DHX35: variants seen among roughly 807,000 people sequenced by gnomAD.
DHX35 encodes the protein probable ATP-dependent RNA helicase DHX35.
Under a neutral mutation model 99.6 loss-of-function variants are expected in DHX35, and 84 were observed. The observed-to-expected ratio is 0.84, with a 90% confidence interval of 0.71 to 1.01. The LOEUF is 1.01. Among genes scored for constraint, DHX35 ranks in the 50% least tolerant of loss-of-function variants. The pLI, the probability that DHX35 is intolerant of heterozygous loss-of-function variation, is 0.00. For synonymous variants in DHX35, 331 were observed against 316.2 expected (o/e 1.05, Z -0.50); for missense variants, 852 against 888.5 (o/e 0.96, Z 0.52).
rs568344760 is a variant in DHX35, at chr20:38,966,183, A to C, written c.41-2898A>C. ...GCCTTGTTAAGATAGGGAAATGAAG[A>C]TGTTCATAGTTTGCAAAAGTTATAA... is the stretch of plus-strand genomic sequence containing the variant. On this transcript the variant is annotated intron_variant, in intron 1 of 21. Transcript: ENST00000252011. Among the ~76,000 whole-genome samples the C allele has an allele frequency of 3.2e-4, 48 of 152,356 alleles. 1 individual carries two copies. The highest frequency in any genetic ancestry group is 1.0e-3 in the African/African-American group (43 of 41,588).
At chr20:38,988,646 A>G (rs2086285268) in intron 4 of DHX35, 167 bp from the exon 5 acceptor site, 3 of 944,764 alleles carry the variant, frequency 3.2e-6, no homozygotes, top group Non-Finnish European at 4.4e-6. Context: ...AATAATAATA[A>G]AAATTGCAAA....
intron 9 of DHX35, 52 bp from the exon 10 acceptor site, chr20:39,002,720 T>G: frequency 6.6e-7 from 1 of 1,519,744 alleles, no homozygotes. Flanking sequence ...GTAATTGATC[T>G]GTAATTAATG....
rs1892486864 is a variant in DHX35 at position 39,036,730 on chromosome 20, A to C, written c.2068-1769A>C. Among the ~76,000 whole-genome samples the C allele has an allele frequency of 2.7e-5, 4 of 147,152 alleles. 1 individual carries two copies. The highest frequency in any genetic ancestry group is 1.0e-4 in the African/African-American group (4 of 39,292). On this transcript the variant is annotated intron_variant, in intron 21 of 21. Transcript: ENST00000252011. ...GACAGAGCAAGACTGTCCCCCCAAA[A>C]AAAAAAAAAAAAAAAAAAAAAAGAA...
At chr20:39,001,346 A>G (rs371654248) in intron 8 of DHX35, among the ~76,000 whole-genome samples, 3 of 152,112 alleles carry the variant, frequency 2.0e-5, no homozygotes, top group Non-Finnish European at 1.5e-5. Flanking sequence ...TTACCCACCA[A>G]CCTCATCTAA....
intron 14 of DHX35, among the ~76,000 whole-genome samples, chr20:39,017,903 C>T (rs903559098): frequency 6.6e-6 from 1 of 152,164 alleles, no homozygotes; most frequent in Non-Finnish European, 1.5e-5. Flanking sequence ...TAAAGAGATA[C>T]TCAAGACCGG....
intron 3 of DHX35, among the ~76,000 whole-genome samples, chr20:38,975,635 A>G (rs1374126028): frequency 4.6e-5 from 7 of 152,210 alleles, no homozygotes; most frequent in Non-Finnish European, 7.3e-5. Flanking sequence ...AGGATAAACT[A>G]TGTTCTGGTA....
At chr20:39,011,264 T>C (rs1238396526) in intron 13 of DHX35, among the ~76,000 whole-genome samples, 1 of 152,074 alleles carries the variant, frequency 6.6e-6, no homozygotes, top group African/African-American at 2.4e-5. Flanking sequence ...CTGTTTTTTT[T>C]TTAATGTGTG....
At chr20:39,037,263 CAG>C (rs375049598) in intron 21 of DHX35, among the ~76,000 whole-genome samples, 43 of 152,340 alleles carry the variant, frequency 2.8e-4, no homozygotes, top group African/African-American at 7.7e-4. Context: ...TACAGCTAGA[CAG>C]GGGAAGAACG....
intron 3 of DHX35, among the ~76,000 whole-genome samples, chr20:38,979,557 C>T (rs1174560483): frequency 6.6e-6 from 1 of 152,098 alleles, no homozygotes. Flanking sequence ...ATCTGCTACC[C>T]CTCTTATGGA....
At chr20:38,982,317 T>A (rs915014704) in intron 3 of DHX35, among the ~76,000 whole-genome samples, 4 of 152,232 alleles carry the variant, frequency 2.6e-5, no homozygotes, top group African/African-American at 9.6e-5. Flanking sequence ...ATTACAGCAT[T>A]TATGTACAGT....
chr20:39,028,989 C>A (rs1034660575), intron 19 of DHX35, among the ~76,000 whole-genome samples: 1 of 152,158 alleles, frequency 6.6e-6, no homozygotes, highest in African/African-American at 2.4e-5. Context: ...TCTTCCAGTT[C>A]CATTTTCTAG....
intron 7 of DHX35, among the ~76,000 whole-genome samples, chr20:38,993,994 C>G (rs912342100): frequency 6.6e-6 from 1 of 152,114 alleles, no homozygotes; most frequent in Non-Finnish European, 1.5e-5. Context: ...TGCTGAAGCC[C>G]CTAGCCCCCT....
intron 7 of DHX35, among the ~76,000 whole-genome samples, 187 bp from the exon 8 acceptor site, chr20:38,994,631 ACCC>A (rs35259351): frequency 0.042 from 3,092 of 74,460 alleles, 180 homozygotes; most frequent in African/African-American, 0.13. Flanking sequence ...TAGTGTAATG[ACCC>A]CCCCCCCCCT....
In DHX35 at chr20:38,980,511, G is replaced by GTT. The variant is rs397953645; in HGVS notation, c.268-3175_268-3174dup. Among the ~76,000 whole-genome samples, 483 of 136,944 alleles carry GTT rather than the reference G, an allele frequency of 3.5e-3. 3 individuals are homozygous for GTT. The highest frequency in any genetic ancestry group is 0.035 in the East Asian group (164 of 4,744). The allele number at this position is 136,944 out of a possible 152,430, so 89.8% of individuals were successfully genotyped here. A position where few individuals can be genotyped will look rare whatever the true frequency, so the allele number is the denominator to read the frequency against. ...TCTTAGCTATTATTCTTATAGTTCTGTTTTTTTTTTTTTTGTATTTGTGTT... is the reference window on the plus strand; with the variant it reads ...TCTTAGCTATTATTCTTATAGTTCTGTTTTTTTTTTTTTTTTGTATTTGTGTT... On this transcript the variant is annotated intron_variant, in intron 3 of 21. Coordinates refer to ENST00000252011, the MANE Select transcript of DHX35 (RefSeq NM_021931.4).
intron 11 of DHX35, among the ~76,000 whole-genome samples, chr20:39,005,697 T>C (rs971010404): frequency 6.6e-6 from 1 of 152,110 alleles, no homozygotes; most frequent in African/African-American, 2.4e-5. Flanking sequence ...TTATCCTACA[T>C]CCCAGCACCT....
intron 3 of DHX35, among the ~76,000 whole-genome samples, chr20:38,976,254 G>C (rs1320174077): frequency 3.9e-5 from 6 of 151,990 alleles, no homozygotes; most frequent in Admixed American, 2.6e-4. Context: ...CTGTCTTCCT[G>C]GTACCCATTT....
rs866049517 is a variant in DHX35 at position 39,004,212 on chromosome 20, G to A, written c.1011+305G>A. 1.4e-4 allele frequency among the ~76,000 whole-genome samples: 22 copies of A among 152,136 alleles called. No homozygotes were observed. In the East Asian group the frequency reaches 2.1e-3, roughly 15 times the overall value. On this transcript the variant is annotated intron_variant, in intron 11 of 21. Coordinates refer to ENST00000252011, the MANE Select transcript of DHX35 (RefSeq NM_021931.4). ...TGAGTAGCTGGGACTACAGGCGCCCGCCACCACACCCGGCTAATTTTTTTT... is the reference window on the plus strand; with the variant it reads ...TGAGTAGCTGGGACTACAGGCGCCCACCACCACACCCGGCTAATTTTTTTT...
At chr20:39,006,440 G>A in intron 12 of DHX35, 84 bp downstream of exon 12, 1 of 1,455,096 alleles carries the variant, frequency 6.9e-7, no homozygotes, top group Non-Finnish European at 9.5e-7. Flanking sequence ...ACTCCTAATG[G>A]TAGAACTTAA....
chr20:39,035,001 G>A (rs1413032727), intron 21 of DHX35, among the ~76,000 whole-genome samples: 1 of 151,836 alleles, frequency 6.6e-6, no homozygotes, highest in Non-Finnish European at 1.5e-5. Flanking sequence ...CTCAAGTGGT[G>A]CTCCTGCCTT....
Sources: allele counts gnomAD v4.1 joint callset (sites outside exome capture counted in the v4.1 genomes callset), GRCh38; gene constraint gnomAD v4.1.1; transcripts MANE v1.5; gene names NCBI Gene and HGNC (gene_info 2026-07-23, HGNC 2026-07-21).